The following MYO16 variants were observed in gnomAD, a reference collection of about 807,000 sequenced individuals.
MYO16 encodes the protein myosin XVI, also known as unconventional myosin-XVI.
In MYO16, 94 loss-of-function variants were observed where a neutral mutation model predicts 205.3. The observed-to-expected ratio is 0.46, with a 90% CI of 0.39 to 0.54. The LOEUF (loss-of-function observed/expected upper bound fraction) is 0.54, where lower values mean the gene tolerates loss of function less well. Among genes scored for constraint, MYO16 ranks in the 20% least tolerant of loss-of-function variants. The pLI is 0.00. For synonymous variants in MYO16, 988 were observed against 954.0 expected, an observed-to-expected ratio of 1.04 and a Z score of -0.66; for missense variants, 2,315 against 2,387.5, an observed-to-expected ratio of 0.97 and a Z score of 0.63.
At chr13:108,613,215 G>A (rs971369072) in intron 1 of MYO16, among the ~76,000 whole-genome samples, 3 of 152,096 alleles carry the variant, frequency 2.0e-5, no homozygotes, top group African/African-American at 7.2e-5. Context: ...ATATGGTAGG[G>A]CTCATTTGTG....
At chr13:108,574,809 A>C in the MYO16 span, among the ~76,000 whole-genome samples, 3 of 152,094 alleles carry the variant, frequency 2.0e-5, no homozygotes, top group Admixed American at 2.0e-4. Context: ...CACAGTTGTT[A>C]ATCACAACAG....
chr13:108,760,875 C>T (rs912447012), intron 4 of MYO16, among the ~76,000 whole-genome samples: 2 of 152,186 alleles, frequency 1.3e-5, no homozygotes, highest in African/African-American at 2.4e-5. Flanking sequence ...ATAAGATCAA[C>T]GTTTTTAGCT....
chr13:108,980,413 A>C (rs1884413225), intron 20 of MYO16, among the ~76,000 whole-genome samples: 1 of 152,182 alleles, frequency 6.6e-6, no homozygotes, highest in Non-Finnish European at 1.5e-5. Context: ...TGCTCAATAG[A>C]GTTAGCCGAA....
chr13:108,712,543 G>A (rs772961712), intron 2 of MYO16, 118 bp from the exon 3 acceptor site: 27 of 838,056 alleles, frequency 3.2e-5, no homozygotes, highest in South Asian at 4.1e-5. Context: ...CACAGAAGCC[G>A]TAGTCTTTGG....
the MYO16 span, among the ~76,000 whole-genome samples, chr13:108,537,197 ATT>A: frequency 2.0e-5 from 3 of 151,906 alleles, no homozygotes; most frequent in African/African-American, 7.2e-5. Context: ...TCCCATTTTT[ATT>A]TCCGTGTGTA....
Position 108,947,207 on chromosome 13 carries a change from G to T in MYO16, c.1926-10481G>T, listed in dbSNP as rs148798503. Among the ~76,000 whole-genome samples the T allele has an allele frequency of 6.0e-4, 91 of 152,294 alleles. 1 individual carries two copies. The East Asian group carries it at 0.015, about 26-fold the overall frequency. ...AGTCGGTATTTAAGACACAGGGTTG[G>T]GTTGAAGTTTATCCTTCCTGTTGGT... is the stretch of plus-strand genomic sequence containing the variant. On this transcript the variant is annotated intron_variant, in intron 16 of 34. Transcript: ENST00000457511.
chr13:108,557,663 A>G, the MYO16 span, among the ~76,000 whole-genome samples: 1 of 152,174 alleles, frequency 6.6e-6, no homozygotes, highest in Non-Finnish European at 1.5e-5. Flanking sequence ...TCGTTCCTCA[A>G]CATAGGAAAT....
intron 1 of MYO16, among the ~76,000 whole-genome samples, chr13:108,616,402 T>C (rs1325382128): frequency 6.6e-6 from 1 of 152,154 alleles, no homozygotes; most frequent in Non-Finnish European, 1.5e-5. Context: ...TCCTTCACCA[T>C]CGTAGTCTAT....
the MYO16 span, among the ~76,000 whole-genome samples, chr13:108,519,199 G>T: frequency 6.6e-6 from 1 of 152,160 alleles, no homozygotes; most frequent in Non-Finnish European, 1.5e-5. Context: ...ACACAGGTGA[G>T]CACTGAATAG....
chr13:108,737,019 A>G lies in MYO16; in HGVS notation c.507+9436A>G, dbSNP rs567262289. On this transcript the variant is annotated intron_variant, in intron 4 of 34. Transcript: ENST00000457511. Reference sequence around the variant, plus strand: ...TGAGATTTTGCTGAAGTTGCTTATCAGCTTAAGGAGATTTTGGGCTGAGAC... The same window carrying G: ...TGAGATTTTGCTGAAGTTGCTTATCGGCTTAAGGAGATTTTGGGCTGAGAC... Among the ~76,000 whole-genome samples, 15 of 152,320 alleles carry G rather than the reference A, an allele frequency of 9.8e-5. No individual in the cohort carries two copies. The East Asian group carries it at 2.9e-3, about 29-fold the overall frequency.
intron 28 of MYO16, among the ~76,000 whole-genome samples, chr13:109,113,291 TGAG>T (rs1875497025): frequency 7.0e-6 from 1 of 141,984 alleles, no homozygotes; most frequent in African/African-American, 2.7e-5. Flanking sequence ...AGAGGGAAGG[TGAG>T]GGAGGGAGGG....
chr13:108,662,750 T>C (rs986737392), intron 1 of MYO16, among the ~76,000 whole-genome samples: 1 of 152,184 alleles, frequency 6.6e-6, no homozygotes, highest in Non-Finnish European at 1.5e-5. Flanking sequence ...CTGTGAAGTC[T>C]GCATGCCTGA....
At chr13:108,943,913 T>C (rs536070442) in intron 16 of MYO16, among the ~76,000 whole-genome samples, 2 of 152,332 alleles carry the variant, frequency 1.3e-5, no homozygotes, top group Admixed American at 1.3e-4. Flanking sequence ...AAATATGTCA[T>C]TGATTCCAGT....
the MYO16 span, among the ~76,000 whole-genome samples, chr13:108,502,103 C>G: frequency 6.6e-6 from 1 of 152,182 alleles, no homozygotes; most frequent in Non-Finnish European, 1.5e-5. Flanking sequence ...GTCCCAGCTA[C>G]TCAGGAGGCT....
chr13:108,552,493 A>T, the MYO16 span, among the ~76,000 whole-genome samples: 61 of 152,228 alleles, frequency 4.0e-4, no homozygotes, highest in African/African-American at 1.4e-3. Flanking sequence ...TTTACACATC[A>T]TCCATACTGA....
chr13:109,099,534 T>G (rs28607128), intron 27 of MYO16, among the ~76,000 whole-genome samples: 34,969 of 152,108 alleles, frequency 0.23, 4,222 homozygotes, highest in Middle Eastern at 0.3. Flanking sequence ...TCCACCCTCA[T>G]GACTTAATCA....
Position 109,042,031 on chromosome 13 carries a change from G to C in MYO16, c.2797-4885G>C, listed in dbSNP as rs141931279. Among the ~76,000 whole-genome samples the C allele has an allele frequency of 6.5e-3, 980 of 151,936 alleles. 11 individuals carry two copies. The highest frequency in any genetic ancestry group is 0.022 in the African/African-American group (932 of 41,444). ...AGGCGTATACCACCACACCTGGCTA[G>C]TTTTTGTATTTTTAGTAGAGACAGG... On this transcript the variant is annotated intron_variant, in intron 23 of 34. Coordinates refer to ENST00000457511, the MANE Select transcript of MYO16 (RefSeq NM_001198950.3).
At chr13:109,067,362 G>A (rs1467764) in intron 27 of MYO16, among the ~76,000 whole-genome samples, 25,235 of 152,200 alleles carry the variant, frequency 0.17, 2,197 homozygotes, top group South Asian at 0.19. Flanking sequence ...CATAGCACTC[G>A]TGTAAAGTTG....
chr13:108,634,733 T>C (rs1880147808), intron 1 of MYO16, among the ~76,000 whole-genome samples: 1 of 152,248 alleles, frequency 6.6e-6, no homozygotes, highest in African/African-American at 2.4e-5. Context: ...CCACGTCTTC[T>C]TCTGCAGCTC....
Sources: allele counts gnomAD v4.1 joint callset (sites outside exome capture counted in the v4.1 genomes callset), GRCh38; gene constraint gnomAD v4.1.1; transcripts MANE v1.5; gene names NCBI Gene and HGNC (gene_info 2026-07-23, HGNC 2026-07-21).